Variants in PTPRQ observed in about 807,000 individuals in gnomAD.
PTPRQ encodes phosphatidylinositol phosphatase PTPRQ.
Under a neutral mutation model 246.0 loss-of-function variants are expected in PTPRQ, and 199 were observed. That is an observed-to-expected ratio of 0.81 (90% CI 0.72 to 0.91). The LOEUF (loss-of-function observed/expected upper bound fraction) is 0.91, where lower values mean the gene tolerates loss of function less well. PTPRQ is among the 40% of genes least tolerant of loss of function. The pLI is 0.00. For missense variants in PTPRQ, 2,624 were observed against 2,528.4 expected, an observed-to-expected ratio of 1.04 and a Z score of -0.81; for synonymous variants, 869 against 853.2, an observed-to-expected ratio of 1.02 and a Z score of -0.32.
At chr12:80,522,090 T>G (rs1284783180) in intron 17 of PTPRQ, among the ~76,000 whole-genome samples, 4 of 152,128 alleles carry the variant, frequency 2.6e-5, no homozygotes, top group South Asian at 2.1e-4. Context: ...CCCTTGTAAG[T>G]TGGATTCCTA....
At position 80,534,939 on chromosome 12, in the gene PTPRQ, T is replaced by C. The variant is rs1895943683; in HGVS notation, c.2887T>C (p.Ser963Pro). The C allele has an allele frequency of 6.5e-7, 1 of 1,550,376 alleles. No homozygotes were observed. The highest frequency in any genetic ancestry group is 8.7e-7 in the Non-Finnish European group (1 of 1,146,376). ...KDVYYANLSS[S>P]SIILFWTPPS... is the part of the protein sequence containing the mutation. ...TGTTTATTATGCAAACCTCAGTTCT[T>C]CATCAATAATTCTTTTCTGGACACC... The change falls in exon 19 of 45, where the codon TCA (serine) becomes CCA (proline). Residue 963 changes from serine (S) to proline (P), a missense_variant. By Grantham distance (74) the Ser-to-Pro change is moderately conservative. Coordinates refer to ENST00000644991, the MANE Select transcript of PTPRQ (RefSeq NM_001145026.2).
chr12:80,491,594 T>G (rs527652806), intron 9 of PTPRQ, among the ~76,000 whole-genome samples: 2 of 151,942 alleles, frequency 1.3e-5, no homozygotes, highest in Non-Finnish European at 1.5e-5. Flanking sequence ...CTGGGTAGAG[T>G]TGTAACAAGA....
chr12:80,493,250 T>C (rs1297985515), intron 9 of PTPRQ, 25 bp from the exon 10 acceptor site: 2 of 1,412,592 alleles, frequency 1.4e-6, no homozygotes, highest in Non-Finnish European at 1.9e-6. Context: ...TCACAGTCTT[T>C]TAAAATATCT....
intron 36 of PTPRQ, 147 bp downstream of exon 36, chr12:80,649,070 T>C: frequency 1.4e-6 from 1 of 734,980 alleles, no homozygotes; most frequent in Non-Finnish European, 2.0e-6. Context: ...CATGACTAAT[T>C]GCATGGTAAC....
At chr12:80,622,039 T>A in intron 32 of PTPRQ, 22 bp from the exon 33 acceptor site, 2 of 1,322,804 alleles carry the variant, frequency 1.5e-6, no homozygotes. Context: ...AAAGTGTTGA[T>A]TTTTCTTTTT....
intron 9 of PTPRQ, among the ~76,000 whole-genome samples, chr12:80,488,316 G>A (rs907456148): frequency 6.6e-6 from 1 of 151,910 alleles, no homozygotes; most frequent in Non-Finnish European, 1.5e-5. Context: ...CTACCTGAGA[G>A]GCCATGCACT....
intron 42 of PTPRQ, 22 bp from the exon 43 acceptor site, chr12:80,673,147 A>G (rs1901026675): frequency 1.9e-6 from 3 of 1,548,946 alleles, no homozygotes; most frequent in Non-Finnish European, 2.6e-6. Flanking sequence ...AATAATTTTC[A>G]TGTAATTTAC....
rs1898931375 is a variant in PTPRQ, at chr12:80,620,306, A to G, written c.5542A>G (p.Asn1848Asp). ...NEEIYIIGAD[N>D]ACMIPGNEDK... ...AGAAATCTACATCATAGGTGCTGAT[A>G]ATGCATGCATGATTCCTGGCAATGA... Residue 1848 changes from asparagine (N) to aspartate (D), a missense_variant, in exon 32 of 45, where the codon AAT (asparagine) becomes GAT (aspartate). Asn to Asp is a conservative substitution (Grantham distance 23). Coordinates refer to ENST00000644991, the MANE Select transcript of PTPRQ (RefSeq NM_001145026.2). 6.5e-7 allele frequency: 1 copy of G among 1,549,550 alleles called. No individual in the cohort carries two copies. Among genetic ancestry groups the G allele is most frequent in the Non-Finnish European group, 8.7e-7 (1 of 1,145,560 alleles).
At chr12:80,559,170 G>T (rs1264237189) in intron 25 of PTPRQ, among the ~76,000 whole-genome samples, 1 of 151,986 alleles carries the variant, frequency 6.6e-6, no homozygotes, top group African/African-American at 2.4e-5. Flanking sequence ...CCAGCCTCCC[G>T]AGTAGCTGGG....
intron 25 of PTPRQ, among the ~76,000 whole-genome samples, chr12:80,552,647 A>ATG (rs1429715397): frequency 0.062 from 228 of 3,702 alleles, 6 homozygotes; most frequent in Middle Eastern, 0.25. Context: ...AAAAAAAATT[A>ATG]TATATATATA....
chr12:80,527,230 T>C (rs1233990967), intron 17 of PTPRQ, among the ~76,000 whole-genome samples: 1 of 152,090 alleles, frequency 6.6e-6, no homozygotes, highest in Non-Finnish European at 1.5e-5. Context: ...AGTAGAAAAA[T>C]GTTTTGAAAA....
intron 6 of PTPRQ, among the ~76,000 whole-genome samples, chr12:80,467,160 A>T (rs1213076494): frequency 2.0e-5 from 3 of 152,230 alleles, no homozygotes; most frequent in Admixed American, 6.5e-5. Context: ...CAAATTTACA[A>T]GAAAAAGCAA....
chr12:80,631,167 A>G (rs1899418643), intron 33 of PTPRQ, among the ~76,000 whole-genome samples: 1 of 152,306 alleles, frequency 6.6e-6, no homozygotes, highest in African/African-American at 2.4e-5. Flanking sequence ...CATTTCAATT[A>G]TAAATTAATT....
intron 23 of PTPRQ, among the ~76,000 whole-genome samples, chr12:80,545,148 T>A (rs1185023313): frequency 1.3e-5 from 2 of 152,148 alleles, no homozygotes; most frequent in Admixed American, 1.3e-4. Context: ...TTGTTTTGTG[T>A]TTAATTTTTT....
At chr12:80,632,116 A>C (rs1348004361) in intron 33 of PTPRQ, 76 bp from the exon 34 acceptor site, 4 of 1,489,106 alleles carry the variant, frequency 2.7e-6, no homozygotes, top group Non-Finnish European at 2.7e-6. Context: ...TGCCAAGATA[A>C]TATTTTTTGG....
chr12:80,587,938 C>A (rs1393947898), intron 25 of PTPRQ, among the ~76,000 whole-genome samples, 191 bp from the exon 26 acceptor site: 2 of 152,044 alleles, frequency 1.3e-5, no homozygotes, highest in Non-Finnish European at 2.9e-5. Context: ...TGTCCTCTAC[C>A]CTTTTAAAAT....
At chr12:80,557,286 C>T (rs1369718119) in intron 25 of PTPRQ, among the ~76,000 whole-genome samples, 1 of 151,924 alleles carries the variant, frequency 6.6e-6, no homozygotes, top group Non-Finnish European at 1.5e-5. Flanking sequence ...CCTTGAACGT[C>T]CTTCCTCCCA....
intron 14 of PTPRQ, among the ~76,000 whole-genome samples, chr12:80,498,136 G>T (rs1894685601): frequency 6.6e-6 from 1 of 151,966 alleles, no homozygotes; most frequent in African/African-American, 2.4e-5. Flanking sequence ...ATATTGGCAT[G>T]TTTCATTGCT....
chr12:80,627,769 T>C (rs949842148), intron 33 of PTPRQ, among the ~76,000 whole-genome samples: 43 of 152,124 alleles, frequency 2.8e-4, no homozygotes, highest in African/African-American at 9.7e-4. Flanking sequence ...GAAACATGTT[T>C]ATATTTTTAA....
Sources: allele counts gnomAD v4.1 joint callset (sites outside exome capture counted in the v4.1 genomes callset), GRCh38; gene constraint gnomAD v4.1.1; transcripts MANE v1.5; gene names NCBI Gene and HGNC (gene_info 2026-07-23, HGNC 2026-07-21).